The following MYCL variants were observed in gnomAD, a reference collection of about 807,000 sequenced individuals.
The protein encoded by MYCL is protein L-Myc.
Under a neutral mutation model 31.0 loss-of-function variants are expected in MYCL, and 11 were observed. The ratio of observed to expected loss-of-function variants is 0.35; its 90% CI spans 0.22 to 0.59. The LOEUF is 0.59. Among genes scored for constraint, MYCL ranks in the 20% least tolerant of loss-of-function variants. MYCL has a pLI of 0.79. For synonymous variants in MYCL, 208 were observed against 202.4 expected, an observed-to-expected ratio of 1.03 and a Z score of -0.23; for missense variants, 427 against 486.1, an observed-to-expected ratio of 0.88 and a Z score of 1.14.
At position 39,897,357 on chromosome 1, in the gene MYCL, A is replaced by C; in HGVS notation, c.*15T>G. 6.4e-7 allele frequency: 1 copy of C among 1,562,760 alleles called. No individual in the cohort carries two copies. The highest frequency in any genetic ancestry group is 8.7e-7 in the Non-Finnish European group (1 of 1,153,166). ...TGTGTCTTCGTAAGACAGAACTGTC[A>C]GGCTTTTTGGTCAGTTAGTAGCCAG... On this transcript the variant is annotated 3_prime_UTR_variant, in exon 2 of 2. Coordinates refer to ENST00000372816, the MANE Select transcript of MYCL (RefSeq NM_001033081.3). This position sits in a 1 kb window ranked among gnomAD's most constrained non-coding sequence, Gnocchi z 4.3.
chr1:39,895,629 A>G lies in MYCL; in HGVS notation c.*1743T>C, dbSNP rs1644475204. 1 of 225,958 alleles carries G rather than the reference A, an allele frequency of 4.4e-6. No homozygotes were observed. Among genetic ancestry groups the G allele is most frequent in the Non-Finnish European group, 8.8e-6 (1 of 113,672 alleles). The allele number at this position is 225,958 out of a possible 1,614,324, so 14.0% of individuals were successfully genotyped here. A position where few individuals can be genotyped will look rare whatever the true frequency, so the allele number is the denominator to read the frequency against. ...CACTTTGCAAAAGGCATACAAAAATACAATATAAAAAAAAAAGACTCCCCC... is the reference window on the plus strand; with the variant it reads ...CACTTTGCAAAAGGCATACAAAAATGCAATATAAAAAAAAAAGACTCCCCC... On this transcript the variant is annotated 3_prime_UTR_variant, in exon 2 of 2. Coordinates refer to ENST00000372816, the MANE Select transcript of MYCL (RefSeq NM_001033081.3).
intron 1 of MYCL, 67 bp from the exon 2 acceptor site, chr1:39,898,037 C>A (rs1326705176): frequency 1.6e-5 from 24 of 1,545,652 alleles, no homozygotes; most frequent in Admixed American, 8.0e-5. Flanking sequence ...GACCCTACAG[C>A]TTTAGCTGTC....
At chr1:39,898,184 A>G in intron 1 of MYCL, 1 of 656,938 alleles carries the variant, frequency 1.5e-6, no homozygotes, top group South Asian at 2.3e-5. Flanking sequence ...AAGAAGGAAA[A>G]TATTCTCCAA....
At position 39,900,992 on chromosome 1, in the gene MYCL, A is replaced by C; in HGVS notation, c.443T>G (p.Leu148Arg). 2 of 1,458,508 alleles carry C rather than the reference A, an allele frequency of 1.4e-6. No homozygotes were observed. The highest frequency in any genetic ancestry group is 1.5e-5 in the African/African-American group (1 of 68,938). The allele number at this position is 1,458,508 out of a possible 1,614,324, so 90.3% of individuals were successfully genotyped here. A position where few individuals can be genotyped will look rare whatever the true frequency, so the allele number is the denominator to read the frequency against. ...GCAGGCCTGGGTCTTGGGTTCGCCC[A>C]GCGGACAGGGGGCGGCGGGCGCCGG... ...GNPAPAAPCP[L>R]GEPKTQACSG... is the part of the protein sequence containing the mutation. The change falls in exon 1 of 2, where the codon CTG becomes CGG. Residue 148 changes from leucine (L) to arginine (R), a missense_variant. Leu to Arg is a moderately radical substitution (Grantham distance 102). Transcript: ENST00000372816.
rs764139746 is a variant in MYCL, at chr1:39,897,235, C to T, written c.*137G>A. The T allele has an allele frequency of 5.0e-5, 38 of 767,570 alleles. No homozygotes were observed. Among genetic ancestry groups the T allele is most frequent in the Admixed American group, 1.6e-4 (7 of 43,060 alleles). The allele number at this position is 767,570 out of a possible 1,614,324, so 47.5% of individuals were successfully genotyped here. On this transcript the variant is annotated 3_prime_UTR_variant, in exon 2 of 2. Coordinates refer to ENST00000372816, the MANE Select transcript of MYCL (RefSeq NM_001033081.3). The surrounding 1 kb of genome is among the most constrained non-coding windows in gnomAD (Gnocchi z 4.3). Reference sequence around the variant, plus strand: ...ATGCAAGCCTTTATTGTGTGTGCACCGGCTGCAATGCATTCTGGGATCTAC... The same window carrying T: ...ATGCAAGCCTTTATTGTGTGTGCACTGGCTGCAATGCATTCTGGGATCTAC...
chr1:39,898,781 G>C, intron 1 of MYCL: 1 of 985,454 alleles, frequency 1.0e-6, no homozygotes, highest in Non-Finnish European at 1.2e-6. Context: ...GAATGTCCCA[G>C]ATATGGGGCT....
In MYCL at chr1:39,895,580, T is replaced by C. The variant is rs751862857; in HGVS notation, c.*1792A>G. The C allele has an allele frequency of 1.8e-5, 4 of 227,200 alleles. No homozygotes were observed. Among genetic ancestry groups the C allele is most frequent in the Middle Eastern group, 1.3e-3 (1 of 756 alleles). The allele number at this position is 227,200 out of a possible 1,614,324, so 14.1% of individuals were successfully genotyped here. A position where few individuals can be genotyped will look rare whatever the true frequency, so the allele number is the denominator to read the frequency against. ...CAGGAAATTGCCCCAAGAGTTTTTT[T>C]CCTTGTACAAAAACAGTTAACACCA... On this transcript the variant is annotated 3_prime_UTR_variant, in exon 2 of 2. Transcript: ENST00000372816.
chr1:39,897,280 T>C lies in MYCL; in HGVS notation c.*92A>G. ...ATCTACTGTCCAGACTGTCCCACCA[T>C]AACCAAAATGTGCAAATTACTAAAG... On this transcript the variant is annotated 3_prime_UTR_variant, in exon 2 of 2. Transcript: ENST00000372816. This position sits in a 1 kb window ranked among gnomAD's most constrained non-coding sequence, Gnocchi z 4.3. 8.4e-7 allele frequency: 1 copy of C among 1,197,140 alleles called. No individual in the cohort carries two copies. The highest frequency in any genetic ancestry group is 1.2e-6 in the Non-Finnish European group (1 of 849,802). The allele number at this position is 1,197,140 out of a possible 1,614,324, so 74.2% of individuals were successfully genotyped here.
At position 39,897,288 on chromosome 1, in the gene MYCL, A is replaced by C. The variant is rs1327542500; in HGVS notation, c.*84T>G. 7.8e-7 allele frequency: 1 copy of C among 1,281,094 alleles called. No individual in the cohort carries two copies. The highest frequency in any genetic ancestry group is 1.1e-6 in the Non-Finnish European group (1 of 925,250). The allele number at this position is 1,281,094 out of a possible 1,614,324, so 79.4% of individuals were successfully genotyped here. ...TCCAGACTGTCCCACCATAACCAAA[A>C]TGTGCAAATTACTAAAGGGGAGAGG... On this transcript the variant is annotated 3_prime_UTR_variant, in exon 2 of 2. Coordinates refer to ENST00000372816, the MANE Select transcript of MYCL (RefSeq NM_001033081.3). This position sits in a 1 kb window ranked among gnomAD's most constrained non-coding sequence, Gnocchi z 4.3.
In MYCL at chr1:39,900,977, G is replaced by C; in HGVS notation, c.458C>G (p.Thr153Ser). Reference sequence around the variant, plus strand: ...GCTCTCGGACCCGGAGCAGGCCTGGGTCTTGGGTTCGCCCAGCGGACAGGG... The same window carrying C: ...GCTCTCGGACCCGGAGCAGGCCTGGCTCTTGGGTTCGCCCAGCGGACAGGG... ...AAPCPLGEPK[T>S]QACSGSESPS... The change falls in exon 1 of 2, where the codon ACC becomes AGC. Residue 153 changes from threonine (T) to serine (S), a missense_variant. Thr to Ser is a moderately conservative substitution (Grantham distance 58, BLOSUM62 1). Coordinates refer to ENST00000372816, the MANE Select transcript of MYCL (RefSeq NM_001033081.3). 6.7e-7 allele frequency: 1 copy of C among 1,490,510 alleles called. No individual in the cohort carries two copies. Among genetic ancestry groups the C allele is most frequent in the Non-Finnish European group, 8.9e-7 (1 of 1,121,076 alleles). 92.3% of individuals were successfully genotyped at this position (1,490,510 alleles called of 1,614,324 possible).
At chr1:39,898,163 G>T in intron 1 of MYCL, 193 bp from the exon 2 acceptor site, 2 of 751,526 alleles carry the variant, frequency 2.7e-6, no homozygotes, top group South Asian at 4.3e-5. Flanking sequence ...AGGAAAGGAG[G>T]GGACATTAGC....
chr1:39,900,276 G>A (rs762806637), intron 1 of MYCL: 129 of 985,530 alleles, frequency 1.3e-4, no homozygotes, highest in Non-Finnish European at 1.5e-4. Flanking sequence ...GGTTGGGATG[G>A]AGCATTGGGG....
chr1:39,899,730 C>G, intron 1 of MYCL: 2 of 985,102 alleles, frequency 2.0e-6, no homozygotes, highest in Non-Finnish European at 2.4e-6. Context: ...ACACAGTGGA[C>G]CAGGAAAAAA....
In MYCL at chr1:39,899,831, T is replaced by C. The variant is rs1001412518; in HGVS notation, c.496+1108A>G. On this transcript the variant is annotated intron_variant, in intron 1 of 1. Transcript: ENST00000372816. ...CCCAGTTCCCTATCAAATGGTCGTG[T>C]AAAAGTTATTCCTAAAAGCTACAGT... 1.8e-5 allele frequency: 18 copies of C among 985,344 alleles called. No homozygotes were observed. The African/African-American group carries it at 3.0e-4, about 16-fold the overall frequency. 61.0% of individuals were successfully genotyped at this position (985,344 alleles called of 1,614,324 possible).
intron 1 of MYCL, 174 bp from the exon 2 acceptor site, chr1:39,898,144 G>A (rs1444353771): frequency 6.7e-6 from 6 of 898,742 alleles, no homozygotes; most frequent in Non-Finnish European, 8.2e-6. Flanking sequence ...TGTGGTAAGG[G>A]CACAGTGAAG....
intron 1 of MYCL, chr1:39,899,222 C>G (rs1423154903): frequency 2.7e-6 from 1 of 372,872 alleles, no homozygotes; most frequent in African/African-American, 2.2e-5. Flanking sequence ...CAATCTGTTG[C>G]ATTTTGTTCC....
At position 39,897,970 on chromosome 1, in the gene MYCL, T is replaced by C; in HGVS notation, c.497A>G (p.Glu166Gly). ...TGTCACAACATCAATTTCTTCATTC[T>C]CTGTCCGAGAAAAGAGATCAAGAGA... ...CSGSESPSDS[E>G]NEEIDVVTVE... Residue 166 changes from glutamate (E) to glycine (G), a missense_variant and splice_region_variant, in exon 2 of 2, where the codon GAG becomes GGG. Physicochemically the swap from Glu to Gly is moderately conservative, Grantham distance 98 (BLOSUM62 -2). Coordinates refer to ENST00000372816, the MANE Select transcript of MYCL (RefSeq NM_001033081.3). This position sits in a 1 kb window ranked among gnomAD's most constrained non-coding sequence, Gnocchi z 4.3. 6.2e-7 allele frequency: 1 copy of C among 1,611,104 alleles called. No homozygotes were observed.
At position 39,901,048 on chromosome 1, in the gene MYCL, C is replaced by A; in HGVS notation, c.387G>T (p.Pro129=). 6.5e-7 allele frequency: 1 copy of A among 1,543,260 alleles called. No individual in the cohort carries two copies. Residue 129 remains proline (P), a synonymous_variant, in exon 1 of 2, where the codon CCG becomes CCT. Coordinates refer to ENST00000372816, the MANE Select transcript of MYCL (RefSeq NM_001033081.3). The surrounding 1 kb of genome is among the most constrained non-coding windows in gnomAD (Gnocchi z 6.9). The stretch of plus-strand genomic sequence containing the variant: ...CGGCTTCGAGGCTGGGAGTGCAGTC[C>A]GGGGCGGCGGACGCCTTGGGCGGGT... ...RGNPPKASAA[P]DCTPSLEAGN...
At chr1:39,899,670 A>G in intron 1 of MYCL, 1 of 985,464 alleles carries the variant, frequency 1.0e-6, no homozygotes, top group Non-Finnish European at 1.2e-6. Flanking sequence ...CAGCCATTAA[A>G]CAAACATAAA....
Sources: allele counts gnomAD v4.1 joint callset, GRCh38; gene constraint gnomAD v4.1.1; non-coding constraint Gnocchi (gnomAD v3.1); transcripts MANE v1.5; gene names NCBI Gene and HGNC (gene_info 2026-07-23, HGNC 2026-07-21).